Variants in TRAPPC9 observed in about 807,000 individuals in gnomAD.
The protein encoded by TRAPPC9 is IKK2 binding protein.
A neutral mutation model predicts 124.0 loss-of-function variants in TRAPPC9; 83 were observed. The ratio of observed to expected loss-of-function variants is 0.67; its 90% CI spans 0.56 to 0.80. The LOEUF is 0.80. Ranked by LOEUF, TRAPPC9 falls within the 30% of genes least tolerant of loss-of-function variation. The probability of loss-of-function intolerance (pLI) is 0.00; values close to 1 mark genes in which losing one functional copy is unlikely to be tolerated. For missense variants in TRAPPC9, 1,302 were observed against 1,508.3 expected (o/e 0.86, Z 2.27); for synonymous variants, 638 against 617.5 (o/e 1.03, Z -0.49).
At chr8:140,105,201 C>T (rs959950698) in intron 17 of TRAPPC9, among the ~76,000 whole-genome samples, 1 of 152,226 alleles carries the variant, frequency 6.6e-6, no homozygotes, top group South Asian at 2.1e-4. Context: ...TGGCCTCACC[C>T]AGAGGCCTCA....
rs1392633367 is a variant in TRAPPC9, at chr8:140,122,369, TC to T, written c.2557-98291del. Among the ~76,000 whole-genome samples, 3 of 152,186 alleles carry T rather than the reference TC, an allele frequency of 2.0e-5. No homozygotes were observed. In the East Asian group the frequency reaches 5.8e-4, roughly 29 times the overall value. ...TGACCCAGCTGAGCCATGCCTGGACTCCTGACCCATAGAAACTGTGTGCTAA... is the reference window on the plus strand; with the variant it reads ...TGACCCAGCTGAGCCATGCCTGGACTCTGACCCATAGAAACTGTGTGCTAA... On this transcript the variant is annotated intron_variant, in intron 17 of 22. Coordinates refer to ENST00000438773, the MANE Select transcript of TRAPPC9 (RefSeq NM_001160372.4).
At chr8:140,131,945 C>A (rs903086510) in intron 17 of TRAPPC9, among the ~76,000 whole-genome samples, 1 of 152,224 alleles carries the variant, frequency 6.6e-6, no homozygotes, top group African/African-American at 2.4e-5. Context: ...TGTCCCTGCA[C>A]CTTACTGGAT....
intron 17 of TRAPPC9, among the ~76,000 whole-genome samples, chr8:140,203,563 G>A (rs1265732602): frequency 2.0e-5 from 3 of 152,190 alleles, no homozygotes; most frequent in East Asian, 1.9e-4. Context: ...TGAGGACTTC[G>A]GAACTTCACC....
chr8:140,273,854 T>C (rs2065037421), intron 15 of TRAPPC9, among the ~76,000 whole-genome samples: 1 of 152,244 alleles, frequency 6.6e-6, no homozygotes, highest in South Asian at 2.1e-4. Context: ...GGAATGGTTT[T>C]ATTTTCACTG....
chr8:140,320,061 G>C (rs1027100659), intron 9 of TRAPPC9, among the ~76,000 whole-genome samples: 3 of 152,102 alleles, frequency 2.0e-5, no homozygotes, highest in African/African-American at 7.2e-5. Flanking sequence ...AAAAACCTAA[G>C]GAAGAAGGAA....
chr8:139,973,158 T>G (rs1396765516), intron 19 of TRAPPC9, among the ~76,000 whole-genome samples: 1 of 152,240 alleles, frequency 6.6e-6, no homozygotes, highest in Non-Finnish European at 1.5e-5. Context: ...GACAAACGTT[T>G]AGCAAGTCCT....
At chr8:140,311,102 G>T in intron 10 of TRAPPC9, 146 bp downstream of exon 10, 1 of 913,138 alleles carries the variant, frequency 1.1e-6, no homozygotes, top group Non-Finnish European at 1.7e-6. Context: ...CATGTCATAG[G>T]GCTGCTTTCA....
intron 19 of TRAPPC9, among the ~76,000 whole-genome samples, chr8:139,965,089 C>A (rs926655641): frequency 3.5e-5 from 5 of 144,474 alleles, no homozygotes; most frequent in Non-Finnish European, 6.2e-5. Flanking sequence ...GGCCTGTCTT[C>A]GTCCCTCAGC....
intron 20 of TRAPPC9, chr8:139,904,635 T>A (rs1157134345): frequency 6.6e-6 from 1 of 152,246 alleles, no homozygotes; most frequent in Non-Finnish European, 1.5e-5. Context: ...TTATTGAACT[T>A]CCAAAATTTA....
Position 139,896,604 on chromosome 8 carries a change from C to A in TRAPPC9, c.2965-10635G>T, listed in dbSNP as rs117070774. ...CAGGCTTGAACCCAGCCAGGCTGAC[C>A]CCTGAACCCACACTCTGCTCTCTGG... On this transcript the variant is annotated intron_variant, in intron 20 of 22. Coordinates refer to ENST00000438773, the MANE Select transcript of TRAPPC9 (RefSeq NM_001160372.4). 6.3e-3 allele frequency among the ~76,000 whole-genome samples: 960 copies of A among 152,298 alleles called. 3 individuals carry two copies. The highest frequency in any genetic ancestry group is 0.01 in the Non-Finnish European group (699 of 68,034).
chr8:139,832,516 C>T (rs139770787), intron 21 of TRAPPC9, among the ~76,000 whole-genome samples: 39 of 152,264 alleles, frequency 2.6e-4, no homozygotes, highest in African/African-American at 9.1e-4. Flanking sequence ...GGGAGAGGGC[C>T]CAGCAGGAGG....
chr8:140,127,347 A>G (rs974960217), intron 17 of TRAPPC9, among the ~76,000 whole-genome samples: 6 of 152,218 alleles, frequency 3.9e-5, no homozygotes, highest in Non-Finnish European at 7.3e-5. Context: ...AACATACACA[A>G]CCAACTATGT....
chr8:140,105,363 C>A (rs1463223925), intron 17 of TRAPPC9, among the ~76,000 whole-genome samples: 1 of 152,220 alleles, frequency 6.6e-6, no homozygotes, highest in African/African-American at 2.4e-5. Context: ...AATCTGTCTC[C>A]CCCTGGTTAT....
intron 17 of TRAPPC9, among the ~76,000 whole-genome samples, chr8:140,133,984 ATTCAACTCAATCCCT>A (rs1038944136): frequency 1.3e-5 from 2 of 152,180 alleles, no homozygotes; most frequent in African/African-American, 4.8e-5. Context: ...CAAAACAAAG[ATTCAACTCAATCCCT>A]TTCAAAATTC....
chr8:139,887,448 T>A (rs1830085898), intron 20 of TRAPPC9, among the ~76,000 whole-genome samples: 1 of 152,178 alleles, frequency 6.6e-6, no homozygotes, highest in South Asian at 2.1e-4. Context: ...GGTCTTGAAC[T>A]CCTGACCTCA....
chr8:140,274,310 A>G (rs73366964), intron 15 of TRAPPC9, among the ~76,000 whole-genome samples: 6,306 of 152,246 alleles, frequency 0.041, 241 homozygotes, highest in African/African-American at 0.11. Flanking sequence ...TTCCTGCTCC[A>G]TGCCCACTCC....
chr8:140,174,001 G>A (rs946307811), intron 17 of TRAPPC9, among the ~76,000 whole-genome samples: 5 of 152,286 alleles, frequency 3.3e-5, no homozygotes, highest in Admixed American at 1.3e-4. Context: ...GATGACACAC[G>A]GCAGGAGCCT....
At chr8:139,775,144 C>A (rs922459163) in intron 21 of TRAPPC9, among the ~76,000 whole-genome samples, 1 of 152,132 alleles carries the variant, frequency 6.6e-6, no homozygotes, top group South Asian at 2.1e-4. Flanking sequence ...TCTGGGGAAC[C>A]CTGGGCCTCT....
chr8:139,827,073 A>G (rs1258921948), intron 21 of TRAPPC9, among the ~76,000 whole-genome samples: 1 of 152,212 alleles, frequency 6.6e-6, no homozygotes, highest in African/African-American at 2.4e-5. Flanking sequence ...TCAGGTGGAA[A>G]CCCTTGCAGG....
Sources: gnomAD v4.1 joint callset for allele counts (sites outside exome capture counted in the v4.1 genomes callset) on GRCh38, gnomAD v4.1.1 for gene constraint, MANE v1.5 for transcripts, NCBI Gene and HGNC (gene_info 2026-07-23, HGNC 2026-07-21) for gene names.